The following SRBD1 variants were observed in gnomAD, a reference collection of about 807,000 sequenced individuals.
SRBD1 encodes S1 RNA-binding domain-containing protein 1.
Under a neutral mutation model 115.3 loss-of-function variants are expected in SRBD1, and 88 were observed. That is an observed-to-expected ratio of 0.76 (90% confidence interval 0.64 to 0.91). The LOEUF is 0.91. SRBD1 is among the 40% of genes least tolerant of loss of function. The pLI is 0.00. For missense variants in SRBD1, 1,385 were observed against 1,177.4 expected (o/e 1.18, Z -2.58); for synonymous variants, 509 against 407.7 (o/e 1.25, Z -2.99).
At chr2:45,464,052 A>G (rs144240031) in intron 16 of SRBD1, among the ~76,000 whole-genome samples, 16 of 152,234 alleles carry the variant, frequency 1.1e-4, no homozygotes, top group South Asian at 4.2e-4. Context: ...ACATTCCTTT[A>G]TAAGTGCTAC....
At chr2:45,455,965 G>C (rs1479885094) in intron 16 of SRBD1, among the ~76,000 whole-genome samples, 2 of 151,498 alleles carry the variant, frequency 1.3e-5, no homozygotes, top group Non-Finnish European at 3.0e-5. Flanking sequence ...TTTCACCTTA[G>C]TGACTTAAAT....
At chr2:45,604,969 T>C (rs1674220129) in intron 2 of SRBD1, among the ~76,000 whole-genome samples, 1 of 152,160 alleles carries the variant, frequency 6.6e-6, no homozygotes, top group Non-Finnish European at 1.5e-5. Context: ...ATCCAGTGGG[T>C]AGAGGCCAAG....
At chr2:45,523,764 TAATATC>T (rs1331963184) in intron 14 of SRBD1, among the ~76,000 whole-genome samples, 1 of 151,612 alleles carries the variant, frequency 6.6e-6, no homozygotes, top group Non-Finnish European at 1.5e-5. Context: ...AAAAAAGAAT[TAATATC>T]AATTCACAAA....
At chr2:45,519,972 C>G (rs552665462) in intron 14 of SRBD1, among the ~76,000 whole-genome samples, 3 of 152,170 alleles carry the variant, frequency 2.0e-5, no homozygotes, top group Non-Finnish European at 2.9e-5. Context: ...ATGATTCAAA[C>G]TCAGGCAGAT....
At chr2:45,448,560 G>C (rs1199436138) in intron 16 of SRBD1, among the ~76,000 whole-genome samples, 1 of 152,212 alleles carries the variant, frequency 6.6e-6, no homozygotes, top group Non-Finnish European at 1.5e-5. Flanking sequence ...ACAAGAGAAA[G>C]ATGTCAAGGC....
Position 45,551,200 on chromosome 2 carries a change from C to A in SRBD1, c.1600G>T (p.Val534Phe). The A allele has an allele frequency of 6.2e-7, 1 of 1,613,140 alleles. No homozygotes were observed. The highest frequency in any genetic ancestry group is 8.5e-7 in the Non-Finnish European group (1 of 1,179,828). The change falls in exon 12 of 21, where the codon GTT (valine) becomes TTT (phenylalanine). Residue 534 changes from valine (V) to phenylalanine (F), a missense_variant. Coordinates refer to ENST00000263736, the MANE Select transcript of SRBD1 (RefSeq NM_018079.5). ...ACTCCCATTAAGGTGCGCCCTGGAA[C>A]AGGGCTTGTTAAAAGGAGCTGACGA... is the stretch of plus-strand genomic sequence containing the variant. ...NLRQLLLTSP[V>F]PGRTLMGVDP...
chr2:45,584,950 A>C (rs1673471623), intron 5 of SRBD1, among the ~76,000 whole-genome samples: 1 of 152,164 alleles, frequency 6.6e-6, no homozygotes, highest in African/African-American at 2.4e-5. Flanking sequence ...CAAGAGTTCA[A>C]AATCAGCCTG....
At chr2:45,519,531 G>A (rs1210455127) in intron 14 of SRBD1, among the ~76,000 whole-genome samples, 1 of 152,100 alleles carries the variant, frequency 6.6e-6, no homozygotes. Context: ...GTCCTCCAAA[G>A]GTGATTATTC....
At chr2:45,506,201 C>A (rs992045537) in intron 14 of SRBD1, among the ~76,000 whole-genome samples, 3 of 152,200 alleles carry the variant, frequency 2.0e-5, no homozygotes, top group African/African-American at 7.2e-5. Flanking sequence ...CTCAGATGAG[C>A]AGTATATGAT....
chr2:45,556,670 G>A (rs1672489138), intron 10 of SRBD1, among the ~76,000 whole-genome samples: 1 of 151,794 alleles, frequency 6.6e-6, no homozygotes, highest in Admixed American at 6.6e-5. Context: ...ACCACTTTGT[G>A]CAGGCCAGTC....
chr2:45,577,764 T>C (rs1299577234), intron 7 of SRBD1, among the ~76,000 whole-genome samples: 3 of 152,080 alleles, frequency 2.0e-5, no homozygotes, highest in East Asian at 1.9e-4. Context: ...ATGATCATGA[T>C]TGTGTGTAAC....
intron 5 of SRBD1, among the ~76,000 whole-genome samples, chr2:45,583,106 A>C (rs1200889080): frequency 2.0e-5 from 3 of 152,158 alleles, no homozygotes; most frequent in African/African-American, 7.2e-5. Flanking sequence ...CTATTTATAG[A>C]ATCTGCCTAA....
rs553376787 is a variant in SRBD1, at chr2:45,602,048, C to G, written c.116G>C (p.Ser39Thr). 6.2e-7 allele frequency: 1 copy of G among 1,614,070 alleles called. No individual in the cohort carries two copies. Among genetic ancestry groups the G allele is most frequent in the Admixed American group, 1.7e-5 (1 of 60,014 alleles). ...AACTTTCTTTTGGGGCTCCCAGGCA[C>G]TATCTTCCTTGTCATCTTCTTCAGA... ...SASEEDDKED[S>T]AWEPQKKVPR... is the part of the protein sequence containing the mutation. The change falls in exon 3 of 21, where the codon AGT (serine) becomes ACT (threonine). Residue 39 changes from serine (S) to threonine (T), a missense_variant. Transcript: ENST00000263736.
At chr2:45,604,577 C>A (rs1342978806) in intron 2 of SRBD1, among the ~76,000 whole-genome samples, 4 of 152,190 alleles carry the variant, frequency 2.6e-5, no homozygotes, top group Non-Finnish European at 5.9e-5. Flanking sequence ...GGTCTTCTTG[C>A]TGTTCCCTGA....
At chr2:45,561,606 T>A (rs1447023048) in intron 10 of SRBD1, among the ~76,000 whole-genome samples, 1 of 152,224 alleles carries the variant, frequency 6.6e-6, no homozygotes, top group Non-Finnish European at 1.5e-5. Context: ...TCCTAGCTGC[T>A]AGGAAGCCAC....
chr2:45,542,042 C>G (rs1401591280), intron 14 of SRBD1, among the ~76,000 whole-genome samples: 2 of 152,244 alleles, frequency 1.3e-5, no homozygotes, highest in African/African-American at 2.4e-5. Context: ...ACAGGAATGT[C>G]TGCCTCCCAC....
At chr2:45,390,645 C>G (rs180937031) in intron 20 of SRBD1, among the ~76,000 whole-genome samples, 1 of 152,110 alleles carries the variant, frequency 6.6e-6, no homozygotes, top group Admixed American at 6.6e-5. Flanking sequence ...ATTTTCCCCT[C>G]CACCCATTCC....
At chr2:45,606,101 C>G (rs1345110794) in intron 1 of SRBD1, among the ~76,000 whole-genome samples, 1 of 150,364 alleles carries the variant, frequency 6.7e-6, no homozygotes, top group Non-Finnish European at 1.5e-5. Flanking sequence ...CAGGCAGCCC[C>G]TTACAAAGTC....
At chr2:45,593,171 T>C (rs565728630) in intron 4 of SRBD1, among the ~76,000 whole-genome samples, 7 of 152,290 alleles carry the variant, frequency 4.6e-5, no homozygotes, top group Admixed American at 2.6e-4. Flanking sequence ...AATTCCTCTA[T>C]AGAGTCTATT....
Sources: allele counts gnomAD v4.1 joint callset (sites outside exome capture counted in the v4.1 genomes callset), GRCh38; gene constraint gnomAD v4.1.1; transcripts MANE v1.5; gene names NCBI Gene and HGNC (gene_info 2026-07-23, HGNC 2026-07-21).